The following MSI2 variants were observed in gnomAD, a reference collection of about 807,000 sequenced individuals.
MSI2 encodes musashi RNA binding protein 2.
A neutral mutation model predicts 45.6 loss-of-function variants in MSI2; 17 were observed. The ratio of observed to expected loss-of-function variants is 0.37; its 90% CI spans 0.26 to 0.56. The LOEUF (loss-of-function observed/expected upper bound fraction) is 0.56, where lower values mean the gene tolerates loss of function less well. MSI2 is among the 20% of genes least tolerant of loss of function. The pLI is 0.77. For synonymous variants in MSI2, 156 were observed against 158.2 expected (o/e 0.99, Z 0.11); for missense variants, 293 against 444.2 (o/e 0.66, Z 3.06).
At position 57,627,624 on chromosome 17, in the gene MSI2, A is replaced by C; in HGVS notation, c.727+321A>C. On this transcript the variant is annotated intron_variant, in intron 10 of 13. Coordinates refer to ENST00000284073, the MANE Select transcript of MSI2 (RefSeq NM_138962.4). The surrounding 1 kb of genome is among the most constrained non-coding windows in gnomAD (Gnocchi z 4.6). Reference sequence around the variant, plus strand: ...CGGGTTTTTTCTCACTGGGGACTGAACTCTAGGCCCAGGGCTTTCTTTCAC... The same window carrying C: ...CGGGTTTTTTCTCACTGGGGACTGACCTCTAGGCCCAGGGCTTTCTTTCAC... 1 of 394,870 alleles carries C rather than the reference A, an allele frequency of 2.5e-6. No homozygotes were observed. Among genetic ancestry groups the C allele is most frequent in the South Asian group, 3.0e-5 (1 of 32,834 alleles). The allele number at this position is 394,870 out of a possible 1,614,324, so 24.5% of individuals were successfully genotyped here. A position where few individuals can be genotyped will look rare whatever the true frequency, so the allele number is the denominator to read the frequency against.
intron 8 of MSI2, among the ~76,000 whole-genome samples, chr17:57,614,609 C>A (rs1907497878): frequency 6.6e-6 from 1 of 152,192 alleles, no homozygotes; most frequent in Non-Finnish European, 1.5e-5. Flanking sequence ...GGCGGCCATG[C>A]TGTTTCTTTT....
At chr17:57,343,355 C>T (rs1915330514) in intron 5 of MSI2, among the ~76,000 whole-genome samples, 1 of 150,984 alleles carries the variant, frequency 6.6e-6, no homozygotes, top group Non-Finnish European at 1.5e-5. Flanking sequence ...TAATTTAAAA[C>T]TTACAGGAAA....
At chr17:57,690,149 GT>G in the MSI2 span, among the ~76,000 whole-genome samples, 3,354 of 142,174 alleles carry the variant, frequency 0.024, 78 homozygotes, top group African/African-American at 0.056. Context: ...GTATTGTTCA[GT>G]TTTTTTTTTT....
intron 7 of MSI2, among the ~76,000 whole-genome samples, chr17:57,556,072 G>A (rs1171081914): frequency 6.6e-6 from 1 of 152,236 alleles, no homozygotes; most frequent in Non-Finnish European, 1.5e-5. Flanking sequence ...GCTTGGAACT[G>A]GATTGGAATT....
At chr17:57,559,668 C>G (rs564792582) in intron 7 of MSI2, among the ~76,000 whole-genome samples, 2 of 152,388 alleles carry the variant, frequency 1.3e-5, no homozygotes, top group South Asian at 4.1e-4. Context: ...GACAGCCTGC[C>G]ACCCAAGGGA....
intron 7 of MSI2, among the ~76,000 whole-genome samples, chr17:57,576,709 C>T (rs965566047): frequency 4.1e-5 from 6 of 146,922 alleles, no homozygotes; most frequent in Non-Finnish European, 8.9e-5. Flanking sequence ...AGCTGAGATG[C>T]GCCACTGCCC....
chr17:57,517,143 C>T (rs940708439), intron 6 of MSI2, among the ~76,000 whole-genome samples: 3 of 152,186 alleles, frequency 2.0e-5, no homozygotes, highest in African/African-American at 7.2e-5. Flanking sequence ...GTAGTTCAGA[C>T]CTTCCCTCAT....
At position 57,683,755 on chromosome 17, in the gene MSI2, C is replaced by G. The variant is rs1913753925; in HGVS notation, c.*4238C>G. 8.7e-6 allele frequency: 2 copies of G among 230,180 alleles called. No homozygotes were observed. Among genetic ancestry groups the G allele is most frequent in the Non-Finnish European group, 1.7e-5 (2 of 116,626 alleles). 14.3% of individuals were successfully genotyped at this position (230,180 alleles called of 1,614,324 possible). A position where few individuals can be genotyped will look rare whatever the true frequency, so the allele number is the denominator to read the frequency against. The stretch of plus-strand genomic sequence containing the variant: ...GGCAGACAGTGGGAGAGCAGAGGGA[C>G]TGACTGCAGGCAAGCACATTGAAGA... On this transcript the variant is annotated 3_prime_UTR_variant, in exon 14 of 14. Transcript: ENST00000284073. The surrounding 1 kb of genome is among the most constrained non-coding windows in gnomAD (Gnocchi z 5.2).
At chr17:57,410,559 G>A (rs370668414) in intron 6 of MSI2, among the ~76,000 whole-genome samples, 1 of 150,444 alleles carries the variant, frequency 6.6e-6, no homozygotes, top group Admixed American at 6.7e-5. Flanking sequence ...TGAGCTTCTT[G>A]TAGTTAAAGA....
chr17:57,692,698 G>C, the MSI2 span, among the ~76,000 whole-genome samples: 1 of 148,764 alleles, frequency 6.7e-6, no homozygotes, highest in Non-Finnish European at 1.5e-5. Flanking sequence ...GCTCAGCATA[G>C]GATTTTGTGT....
intron 6 of MSI2, among the ~76,000 whole-genome samples, chr17:57,454,982 G>T (rs762025716): frequency 3.3e-5 from 5 of 152,164 alleles, no homozygotes; most frequent in African/African-American, 4.8e-5. Context: ...GACCTGGCTG[G>T]AACCCTATTC....
chr17:57,673,580 A>G (rs1456918759), intron 11 of MSI2, among the ~76,000 whole-genome samples: 1 of 152,208 alleles, frequency 6.6e-6, no homozygotes, highest in Non-Finnish European at 1.5e-5. Flanking sequence ...TTTAACAATT[A>G]AAAAAATATT....
chr17:57,330,644 C>T (rs1207872083), intron 5 of MSI2, among the ~76,000 whole-genome samples: 1 of 152,084 alleles, frequency 6.6e-6, no homozygotes, highest in Non-Finnish European at 1.5e-5. Context: ...AGACTTTTGT[C>T]TCTCAGGCGT....
intron 13 of MSI2, among the ~76,000 whole-genome samples, 153 bp downstream of exon 13, chr17:57,677,212 G>A (rs2286359): frequency 0.41 from 62,932 of 152,018 alleles, 13,424 homozygotes; most frequent in Admixed American, 0.47. Flanking sequence ...GGGGGCAAAA[G>A]CAAATCCAGT....
chr17:57,416,160 G>A (rs1292866250), intron 6 of MSI2, among the ~76,000 whole-genome samples: 1 of 152,146 alleles, frequency 6.6e-6, no homozygotes, highest in East Asian at 1.9e-4. Context: ...CTTAATGGTG[G>A]TGTCCCCAAG....
At chr17:57,357,636 C>A (rs967132888) in intron 5 of MSI2, among the ~76,000 whole-genome samples, 1 of 152,128 alleles carries the variant, frequency 6.6e-6, no homozygotes, top group Admixed American at 6.5e-5. Flanking sequence ...GCTCCCTATC[C>A]AGGCCTTTGT....
At chr17:57,476,734 C>A (rs921672292) in intron 6 of MSI2, among the ~76,000 whole-genome samples, 1 of 152,184 alleles carries the variant, frequency 6.6e-6, no homozygotes, top group Admixed American at 6.5e-5. Flanking sequence ...TCATTTAACC[C>A]TTAAAACAGC....
intron 5 of MSI2, among the ~76,000 whole-genome samples, chr17:57,359,500 C>A (rs1916678673): frequency 6.6e-6 from 1 of 152,102 alleles, no homozygotes; most frequent in Admixed American, 6.5e-5. Context: ...AAATGGATGT[C>A]CCAGTACTGC....
intron 11 of MSI2, among the ~76,000 whole-genome samples, chr17:57,654,753 T>G (rs1429994840): frequency 6.6e-6 from 1 of 152,138 alleles, no homozygotes; most frequent in Non-Finnish European, 1.5e-5. Context: ...GTTGAGTACC[T>G]ACCTTGAACC....
Sources: allele counts gnomAD v4.1 joint callset (sites outside exome capture counted in the v4.1 genomes callset), GRCh38; gene constraint gnomAD v4.1.1; non-coding constraint Gnocchi (gnomAD v3.1); transcripts MANE v1.5; gene names NCBI Gene and HGNC (gene_info 2026-07-23, HGNC 2026-07-21).